Variants in PDE1C observed in about 807,000 individuals in gnomAD.
PDE1C encodes dual specificity calcium/calmodulin-dependent 3',5'-cyclic nucleotide phosphodiesterase 1C.
Under a neutral mutation model 93.1 loss-of-function variants are expected in PDE1C, and 62 were observed. That is an observed-to-expected ratio of 0.67 (90% CI 0.54 to 0.82). PDE1C has a LOEUF of 0.82. Ranked by LOEUF, PDE1C falls within the 40% of genes least tolerant of loss-of-function variation. PDE1C has a pLI of 0.00. For synonymous variants in PDE1C, 325 were observed against 310.1 expected (o/e 1.05, Z -0.50); for missense variants, 742 against 884.6 (o/e 0.84, Z 2.04).
intron 3 of PDE1C, among the ~76,000 whole-genome samples, chr7:32,104,234 A>G (rs918966364): frequency 3.3e-5 from 5 of 152,218 alleles, no homozygotes; most frequent in Admixed American, 2.6e-4. Context: ...CAACATCATG[A>G]AAGTTCGGAC....
At chr7:32,230,048 C>A (rs756982401) in intron 1 of PDE1C, among the ~76,000 whole-genome samples, 9 of 152,126 alleles carry the variant, frequency 5.9e-5, no homozygotes, top group African/African-American at 2.2e-4. Flanking sequence ...GAAGCCTCTC[C>A]GGAATAGAAA....
At chr7:31,788,089 T>C (rs1268068779) in intron 16 of PDE1C, 1 of 152,186 alleles carries the variant, frequency 6.6e-6, no homozygotes, top group African/African-American at 2.4e-5. Flanking sequence ...ATGAAAAACA[T>C]TTCCATTTTT....
At chr7:31,734,697 G>A in the PDE1C span, among the ~76,000 whole-genome samples, 2 of 152,252 alleles carry the variant, frequency 1.3e-5, no homozygotes, top group South Asian at 4.1e-4. Context: ...GGGCGGTGTT[G>A]TCCCATCTCA....
intron 1 of PDE1C, among the ~76,000 whole-genome samples, chr7:32,274,219 T>A (rs6977491): frequency 0.26 from 39,319 of 151,248 alleles, 5,362 homozygotes; most frequent in East Asian, 0.45. Context: ...ATTTTTTTTT[T>A]TTTTTTGAGA....
At chr7:31,640,661 A>ATATC in the PDE1C span, among the ~76,000 whole-genome samples, 8 of 150,198 alleles carry the variant, frequency 5.3e-5, no homozygotes, top group Admixed American at 1.3e-4. Flanking sequence ...TTTTTTCCAC[A>ATATC]TATCTTGTCT....
At chr7:32,072,849 T>TA (rs564526157), upstream of PDE1C, among the ~76,000 whole-genome samples, 55 of 152,298 alleles carry the variant, frequency 3.6e-4, no homozygotes, top group South Asian at 9.8e-3. Flanking sequence ...CCTATACAAA[T>TA]ACATCCCCCT....
At chr7:32,106,806 CA>C (rs111532424) in intron 3 of PDE1C, among the ~76,000 whole-genome samples, 31,003 of 151,894 alleles carry the variant, frequency 0.2, 3,788 homozygotes, top group Middle Eastern at 0.31. Context: ...TGCTAAAAGA[CA>C]AAAACATAAT....
exon 1 of PDE1C, chr7:32,298,672 C>G (rs758898929): frequency 1.4e-5 from 22 of 1,607,614 alleles, no homozygotes; most frequent in Non-Finnish European, 1.2e-5. Context: ...CTGTAGCCAT[C>G]GATGCTGAAA....
chr7:31,776,662 ATCT>A (rs929848023), intron 16 of PDE1C, among the ~76,000 whole-genome samples: 6 of 151,528 alleles, frequency 4.0e-5, no homozygotes, highest in African/African-American at 1.5e-4. Flanking sequence ...ATGGACACAT[ATCT>A]TATATATAAA....
intron 1 of PDE1C, among the ~76,000 whole-genome samples, chr7:32,310,259 G>T (rs948028483): frequency 2.6e-5 from 4 of 151,708 alleles, no homozygotes; most frequent in Admixed American, 2.6e-4. Context: ...AGCAAGTCCT[G>T]AGTGACCTAC....
At chr7:32,408,842 AAATT>A (rs1452340805) in intron 1 of PDE1C, among the ~76,000 whole-genome samples, 2 of 152,164 alleles carry the variant, frequency 1.3e-5, no homozygotes, top group Non-Finnish European at 2.9e-5. Flanking sequence ...ACTCAACTCT[AAATT>A]AATAAAGTTT....
At chr7:31,964,931 G>T (rs922927212) in intron 2 of PDE1C, among the ~76,000 whole-genome samples, 1 of 152,102 alleles carries the variant, frequency 6.6e-6, no homozygotes, top group Non-Finnish European at 1.5e-5. Context: ...AAACAGAAAG[G>T]ACATCCACAC....
rs111374212 is a variant in PDE1C, at chr7:32,019,150, T to A, written c.128+32404A>T. 5.8e-3 allele frequency among the ~76,000 whole-genome samples: 687 copies of A among 118,834 alleles called. 4 individuals carry two copies. Among genetic ancestry groups the A allele is most frequent in the African/African-American group, 0.019 (617 of 32,066 alleles). 78.0% of individuals were successfully genotyped at this position (118,834 alleles called of 152,430 possible). A position where few individuals can be genotyped will look rare whatever the true frequency, so the allele number is the denominator to read the frequency against. ...CACCACAAGACACATTATGTTGTTT[T>A]AAAAAAAAAAAAAAAAAAAAAGCAA... is the stretch of plus-strand genomic sequence containing the variant. On this transcript the variant is annotated intron_variant, in intron 2 of 17. Coordinates refer to ENST00000396191, the MANE Select transcript of PDE1C (RefSeq NM_001191057.4).
chr7:31,993,786 T>C (rs1584366662), intron 2 of PDE1C, among the ~76,000 whole-genome samples: 2 of 152,302 alleles, frequency 1.3e-5, no homozygotes, highest in Non-Finnish European at 2.9e-5. Flanking sequence ...TATTGACACG[T>C]CTTTTAATCT....
the PDE1C span, among the ~76,000 whole-genome samples, chr7:31,708,743 T>C: frequency 6.6e-6 from 1 of 152,222 alleles, no homozygotes; most frequent in Non-Finnish European, 1.5e-5. Flanking sequence ...GAGTACTGGA[T>C]GCCCATTTTG....
At chr7:31,799,816 T>A (rs965977261) in intron 16 of PDE1C, among the ~76,000 whole-genome samples, 2 of 151,712 alleles carry the variant, frequency 1.3e-5, no homozygotes, top group African/African-American at 4.8e-5. Flanking sequence ...TAGGAGAATA[T>A]GATTATCTTG....
the PDE1C span, among the ~76,000 whole-genome samples, chr7:31,638,834 TG>T: frequency 6.6e-6 from 1 of 152,144 alleles, no homozygotes; most frequent in Non-Finnish European, 1.5e-5. Flanking sequence ...TGGAGTGGAG[TG>T]ACCCAATCTC....
At chr7:32,330,070 A>G (rs1404180846) in intron 1 of PDE1C, among the ~76,000 whole-genome samples, 1 of 152,268 alleles carries the variant, frequency 6.6e-6, no homozygotes, top group Non-Finnish European at 1.5e-5. Context: ...CAGAACACAT[A>G]TCTTTGGCCC....
chr7:32,211,036 C>T (rs1342550926), intron 1 of PDE1C, among the ~76,000 whole-genome samples: 2 of 151,988 alleles, frequency 1.3e-5, no homozygotes, highest in East Asian at 3.9e-4. Flanking sequence ...GGTGAAACCC[C>T]ATCTCTACTA....
Sources: gnomAD v4.1 joint callset for allele counts (sites outside exome capture counted in the v4.1 genomes callset) on GRCh38, gnomAD v4.1.1 for gene constraint, MANE v1.5 for transcripts, NCBI Gene and HGNC (gene_info 2026-07-23, HGNC 2026-07-21) for gene names.